Variants in TENT4A observed in about 807,000 individuals in gnomAD.
The protein encoded by TENT4A is DNA polymerase kappa.
TENT4A carries 7 observed loss-of-function variants against 72.8 expected under a neutral mutation model. The ratio of observed to expected loss-of-function variants is 0.10; its 90% confidence interval spans 0.05 to 0.18. The LOEUF (loss-of-function observed/expected upper bound fraction) is 0.18. TENT4A is among the 10% of genes least tolerant of loss of function. The probability of loss-of-function intolerance (pLI) is 1.00; values close to 1 mark genes in which losing one functional copy is unlikely to be tolerated. For missense variants in TENT4A, 831 were observed against 1,017.7 expected (o/e 0.82, Z 2.50); for synonymous variants, 456 against 434.3 (o/e 1.05, Z -0.62).
chr5:6,750,680 G>C, intron 10 of TENT4A, 177 bp downstream of exon 10: 1 of 592,592 alleles, frequency 1.7e-6, no homozygotes, highest in Non-Finnish European at 2.8e-6. Context: ...CCTTTCCCCT[G>C]CCGTGAACCT....
rs766647427 is a variant in TENT4A at position 6,750,474 on chromosome 5, T to C, written c.1831T>C (p.Ser611Pro). The C allele has an allele frequency of 5.6e-6, 9 of 1,604,756 alleles. No individual in the cohort carries two copies. The highest frequency in any genetic ancestry group is 7.7e-6 in the Non-Finnish European group (9 of 1,176,074). The change falls in exon 10 of 13, where the codon TCT (serine) becomes CCT (proline). Residue 611 changes from serine to proline, a missense_variant. Coordinates refer to ENST00000230859, the MANE Select transcript of TENT4A (RefSeq NM_006999.6). ...CCTGTCTTCAGGCTCCTCGGCCTCT[T>C]CTGTGTCTTCACTTTCTGGGAGTGA... ...QLLSSGSSAS[S>P]VSSLSGSDVD...
chr5:6,743,609 G>A, intron 5 of TENT4A, 103 bp from the exon 6 acceptor site: 1 of 922,848 alleles, frequency 1.1e-6, no homozygotes, highest in East Asian at 2.5e-5. Flanking sequence ...ATGGGCAAGA[G>A]GATCGAGGAA....
chr5:6,736,694 C>G (rs1289118773), intron 1 of TENT4A, among the ~76,000 whole-genome samples: 1 of 152,190 alleles, frequency 6.6e-6, no homozygotes, highest in Non-Finnish European at 1.5e-5. Context: ...GCTCTTGGAG[C>G]CCATGGGGTG....
chr5:6,746,642 TAAA>T (rs920504630), intron 7 of TENT4A, among the ~76,000 whole-genome samples: 59 of 152,352 alleles, frequency 3.9e-4, no homozygotes, highest in African/African-American at 1.4e-3. Context: ...CATTCTATAA[TAAA>T]GAAGAATTAA....
At chr5:6,746,803 A>C (rs942858586) in intron 7 of TENT4A, among the ~76,000 whole-genome samples, 12 of 152,138 alleles carry the variant, frequency 7.9e-5, no homozygotes, top group African/African-American at 2.9e-4. Context: ...CCCTATATGG[A>C]TATTAATGTT....
At chr5:6,754,636 T>G in intron 12 of TENT4A, 115 bp from the exon 13 acceptor site, 2 of 676,926 alleles carry the variant, frequency 3.0e-6, no homozygotes. Flanking sequence ...AGGGCAGGTG[T>G]CCATCCCTGC....
Position 6,748,411 on chromosome 5 carries a change from T to C in TENT4A, c.1460-53T>C, listed in dbSNP as rs911139079. On this transcript the variant is annotated intron_variant, in intron 7 of 12. Transcript: ENST00000230859. ...CACTTGTATGAGAAGATCCAAAACATGTGGACGATGGTGTGCATGTGGGGA... is the reference window on the plus strand; with the variant it reads ...CACTTGTATGAGAAGATCCAAAACACGTGGACGATGGTGTGCATGTGGGGA... 14 of 1,601,886 alleles carry C rather than the reference T, an allele frequency of 8.7e-6. No individual in the cohort carries two copies. In the African/African-American group the frequency reaches 1.7e-4, roughly 20 times the overall value.
chr5:6,715,905 G>A (rs1740361096), intron 1 of TENT4A, among the ~76,000 whole-genome samples: 1 of 152,148 alleles, frequency 6.6e-6, no homozygotes, highest in African/African-American at 2.4e-5. Flanking sequence ...TCTCCCTCCA[G>A]TTCTTACCTG....
chr5:6,735,585 C>G (rs1322762721), intron 1 of TENT4A, among the ~76,000 whole-genome samples: 1 of 152,092 alleles, frequency 6.6e-6, no homozygotes, highest in African/African-American at 2.4e-5. Context: ...GCCTACTGAG[C>G]TGGTAGAAAA....
chr5:6,733,802 C>A (rs1741328252), intron 1 of TENT4A, among the ~76,000 whole-genome samples: 1 of 152,162 alleles, frequency 6.6e-6, no homozygotes. Context: ...GGCGGCGTGG[C>A]CTGTGGTCGG....
chr5:6,727,146 C>T (rs1473574146), intron 1 of TENT4A, among the ~76,000 whole-genome samples: 1 of 152,210 alleles, frequency 6.6e-6, no homozygotes. Context: ...GGCTTCCTTT[C>T]TGATCCCTGG....
intron 2 of TENT4A, among the ~76,000 whole-genome samples, chr5:6,738,156 G>A (rs1005081114): frequency 7.9e-5 from 12 of 152,236 alleles, no homozygotes; most frequent in African/African-American, 2.6e-4. Context: ...TGCAGGTGGC[G>A]TGAAGCCTGC....
At chr5:6,728,259 A>C (rs274703) in intron 1 of TENT4A, among the ~76,000 whole-genome samples, 89,831 of 152,134 alleles carry the variant, frequency 0.59, 27,282 homozygotes, top group Middle Eastern at 0.67. Flanking sequence ...TCACAGCAGG[A>C]AGATGGTGAA....
At chr5:6,731,971 C>T (rs1237012650) in intron 1 of TENT4A, among the ~76,000 whole-genome samples, 1 of 152,264 alleles carries the variant, frequency 6.6e-6, no homozygotes, top group East Asian at 1.9e-4. Flanking sequence ...CATACGCTGT[C>T]CTGGCTTCTG....
At chr5:6,740,982 C>T (rs1429127372) in intron 4 of TENT4A, among the ~76,000 whole-genome samples, 1 of 152,202 alleles carries the variant, frequency 6.6e-6, no homozygotes, top group Admixed American at 6.5e-5. Flanking sequence ...GCGGCATAGT[C>T]CAGGCCGCTG....
At chr5:6,735,795 C>T (rs1313723137) in intron 1 of TENT4A, among the ~76,000 whole-genome samples, 1 of 147,718 alleles carries the variant, frequency 6.8e-6, no homozygotes, top group Non-Finnish European at 1.5e-5. Flanking sequence ...GAGTCTTGCT[C>T]TGTCGCCCAG....
intron 4 of TENT4A, among the ~76,000 whole-genome samples, chr5:6,740,459 A>G (rs1048703489): frequency 2.6e-5 from 4 of 152,176 alleles, no homozygotes; most frequent in Non-Finnish European, 2.9e-5. Flanking sequence ...CACCTGTGCG[A>G]CCGGCTAGCA....
chr5:6,717,261 C>T (rs747495729), intron 1 of TENT4A, among the ~76,000 whole-genome samples: 2 of 152,240 alleles, frequency 1.3e-5, no homozygotes, highest in African/African-American at 2.4e-5. Flanking sequence ...TTTAAAGGCT[C>T]ACCTGGGCTG....
chr5:6,737,597 C>T lies in TENT4A; in HGVS notation c.804C>T (p.Ile268=), dbSNP rs372514240. The part of the protein sequence containing the change: ...AAMRREVVKR[I]ETVVKDLWPT... The stretch of plus-strand genomic sequence containing the variant: ...TGAGAAGAGAGGTGGTGAAACGGAT[C>T]GAAACTGTGGTGAAAGACCTTTGGC... Residue 268 remains isoleucine (I), a synonymous_variant, in exon 2 of 13, where the codon ATC becomes ATT. Coordinates refer to ENST00000230859, the MANE Select transcript of TENT4A (RefSeq NM_006999.6). 21 of 1,614,134 alleles carry T rather than the reference C, an allele frequency of 1.3e-5. No homozygotes were observed. The highest frequency in any genetic ancestry group is 1.2e-4 in the South Asian group (11 of 91,062).
Sources: allele counts gnomAD v4.1 joint callset (sites outside exome capture counted in the v4.1 genomes callset), GRCh38; gene constraint gnomAD v4.1.1; transcripts MANE v1.5; gene names NCBI Gene and HGNC (gene_info 2026-07-23, HGNC 2026-07-21).